The following LATS2 variants were observed in gnomAD, a reference collection of about 807,000 sequenced individuals.
The protein encoded by LATS2 is serine/threonine-protein kinase LATS2.
A neutral mutation model predicts 76.0 loss-of-function variants in LATS2; 24 were observed. The ratio of observed to expected loss-of-function variants is 0.32; its 90% CI spans 0.23 to 0.44. The LOEUF is 0.44. LATS2 is among the 20% of genes least tolerant of loss of function. The pLI is 1.00. For synonymous variants in LATS2, 692 were observed against 635.4 expected, an observed-to-expected ratio of 1.09 and a Z score of -1.34; for missense variants, 1,286 against 1,481.2, an observed-to-expected ratio of 0.87 and a Z score of 2.16.
chr13:21,009,405 A>G (rs1208260087), intron 2 of LATS2, among the ~76,000 whole-genome samples: 2 of 152,106 alleles, frequency 1.3e-5, no homozygotes, highest in African/African-American at 4.8e-5. Flanking sequence ...ACTGGTTCCA[A>G]TTTGCTGCTG....
At chr13:21,040,195 T>C (rs1016578639) in intron 2 of LATS2, among the ~76,000 whole-genome samples, 5 of 151,858 alleles carry the variant, frequency 3.3e-5, no homozygotes, top group African/African-American at 4.8e-5. Flanking sequence ...AAGACCACCG[T>C]GGGCAACATG....
chr13:21,038,225 C>T (rs539222369), intron 2 of LATS2, among the ~76,000 whole-genome samples: 32 of 152,086 alleles, frequency 2.1e-4, no homozygotes, highest in African/African-American at 7.5e-4. Context: ...GAGCCTGTAC[C>T]GGGGGCAGGA....
chr13:21,045,660 T>A (rs1410433577), intron 2 of LATS2, 25 bp downstream of exon 2: 12 of 1,571,032 alleles, frequency 7.6e-6, no homozygotes, highest in Non-Finnish European at 9.6e-6. Flanking sequence ...CCTCTGCACA[T>A]GGCCCTGCAG....
intron 2 of LATS2, among the ~76,000 whole-genome samples, chr13:21,026,448 T>G (rs1372345012): frequency 6.6e-6 from 1 of 152,204 alleles, no homozygotes; most frequent in African/African-American, 2.4e-5. Context: ...TCCCTCGGGT[T>G]TCTTTGTTTT....
intron 1 of LATS2, among the ~76,000 whole-genome samples, chr13:21,051,593 T>C (rs1345124101): frequency 6.6e-6 from 1 of 152,154 alleles, no homozygotes; most frequent in African/African-American, 2.4e-5. Flanking sequence ...AAACCTCACC[T>C]GTCTGGGCAA....
intron 2 of LATS2, among the ~76,000 whole-genome samples, chr13:21,028,765 T>C (rs1872410630): frequency 6.6e-6 from 1 of 152,160 alleles, no homozygotes; most frequent in Admixed American, 6.6e-5. Context: ...AGACGGGATT[T>C]CACCATGTTG....
chr13:21,051,607 G>A (rs567913345), intron 1 of LATS2, among the ~76,000 whole-genome samples: 2 of 152,292 alleles, frequency 1.3e-5, no homozygotes, highest in South Asian at 2.1e-4. Context: ...TGGGCAATGC[G>A]GCCCACCAGG....
intron 2 of LATS2, among the ~76,000 whole-genome samples, chr13:21,007,760 A>T (rs370235404): frequency 0.22 from 990 of 4,572 alleles, 208 homozygotes; most frequent in South Asian, 0.3. Flanking sequence ...ATATATATAT[A>T]TTTTTTTTTT....
rs1869525286 is a variant in LATS2 at position 20,974,939 on chromosome 13, A to G, written c.3198T>C (p.Ala1066=). Residue 1066 remains alanine (A), a synonymous_variant, in exon 8 of 8, where the codon GCT becomes GCC. Transcript: ENST00000382592. ...CAGAGCTTTCTAAATCTGAGCTCTC[A>G]GCCTGTGAAGCTTCTGCTCCTGAAG... ...PKPSGAEASQ[A]ESSDLESSDL... The G allele has an allele frequency of 6.2e-7, 1 of 1,614,196 alleles. No homozygotes were observed. The highest frequency in any genetic ancestry group is 8.5e-7 in the Non-Finnish European group (1 of 1,180,036).
At chr13:20,977,012 G>T (rs1869653428) in intron 7 of LATS2, among the ~76,000 whole-genome samples, 1 of 152,166 alleles carries the variant, frequency 6.6e-6, no homozygotes. Flanking sequence ...CCTTAAAAAG[G>T]AAGCTACAAC....
intron 7 of LATS2, among the ~76,000 whole-genome samples, chr13:20,978,083 T>C (rs1470368096): frequency 1.3e-5 from 2 of 151,956 alleles, no homozygotes; most frequent in Non-Finnish European, 2.9e-5. Context: ...GCCAGGCTAA[T>C]TTTTTGTATT....
chr13:20,983,824 G>T lies in LATS2; in HGVS notation c.1900-18C>A. 3 of 1,580,820 alleles carry T rather than the reference G, an allele frequency of 1.9e-6. No individual in the cohort carries two copies. The highest frequency in any genetic ancestry group is 2.6e-6 in the Non-Finnish European group (3 of 1,160,728). On this transcript the variant is annotated intron_variant, in intron 4 of 7. Coordinates refer to ENST00000382592, the MANE Select transcript of LATS2 (RefSeq NM_014572.3). ...AGTCCAGCCTGTGTAGAAGGAAAAG[G>T]AAGGAGGAAGAATCACATTAGAGAA...
intron 2 of LATS2, among the ~76,000 whole-genome samples, chr13:21,036,705 G>A (rs116229327): frequency 0.012 from 1,761 of 152,168 alleles, 29 homozygotes; most frequent in African/African-American, 0.041. Flanking sequence ...CCTGGGACAC[G>A]GAGGTTACAG....
chr13:21,045,230 C>T (rs967572163), intron 2 of LATS2, among the ~76,000 whole-genome samples: 3 of 151,852 alleles, frequency 2.0e-5, no homozygotes, highest in Non-Finnish European at 2.9e-5. Context: ...AGGAGAAAAC[C>T]GAGTCAGAGA....
At chr13:21,003,454 T>C (rs1871135328) in intron 2 of LATS2, among the ~76,000 whole-genome samples, 1 of 151,466 alleles carries the variant, frequency 6.6e-6, no homozygotes, top group Non-Finnish European at 1.5e-5. Flanking sequence ...CTTTTTTTTT[T>C]TTTAAAGACA....
At chr13:21,019,313 A>G (rs1245254588) in intron 2 of LATS2, among the ~76,000 whole-genome samples, 4 of 137,930 alleles carry the variant, frequency 2.9e-5, no homozygotes, top group Non-Finnish European at 6.0e-5. Context: ...TATTATTATT[A>G]TTATTATTAT....
Position 20,983,609 on chromosome 13 carries a change from T to G in LATS2, c.2097A>C (p.Leu699=), listed in dbSNP as rs375024406. The G allele has an allele frequency of 9.3e-6, 15 of 1,614,002 alleles. No homozygotes were observed. The highest frequency in any genetic ancestry group is 1.3e-5 in the Non-Finnish European group (15 of 1,180,008). The change falls in exon 5 of 8, where the codon CTA becomes CTC. Residue 699 remains leucine (L), a synonymous_variant. Coordinates refer to ENST00000382592, the MANE Select transcript of LATS2 (RefSeq NM_014572.3). ...DTHALYAMKT[L]RKKDVLNRNQ... ...TCCGGTTCAGGACATCCTTTTTCCT[T>G]AGGGTCTTCATGGCGTACAGGGCGT...
At chr13:20,995,281 ATTC>A (rs901058044) in intron 2 of LATS2, among the ~76,000 whole-genome samples, 1 of 152,200 alleles carries the variant, frequency 6.6e-6, no homozygotes, top group Non-Finnish European at 1.5e-5. Flanking sequence ...TTTACTGTGT[ATTC>A]TTCTTACAAT....
At chr13:20,982,979 C>T (rs1278791358) in intron 5 of LATS2, among the ~76,000 whole-genome samples, 4 of 105,846 alleles carry the variant, frequency 3.8e-5, no homozygotes, top group Non-Finnish European at 5.4e-5. Flanking sequence ...GCAACAAGAG[C>T]GAAACTCTGT....
Sources: gnomAD v4.1 joint callset for allele counts (sites outside exome capture counted in the v4.1 genomes callset) on GRCh38, gnomAD v4.1.1 for gene constraint, MANE v1.5 for transcripts, NCBI Gene and HGNC (gene_info 2026-07-23, HGNC 2026-07-21) for gene names.